The following MVP variants were observed in gnomAD, a reference collection of about 807,000 sequenced individuals.
MVP encodes the protein lung resistance-related protein.
In MVP, 62 loss-of-function variants were observed where a neutral mutation model predicts 83.5. The ratio of observed to expected loss-of-function variants is 0.74; its 90% confidence interval spans 0.61 to 0.92. The LOEUF is 0.92. MVP is among the 40% of genes least tolerant of loss of function. The pLI, the probability that MVP is intolerant of heterozygous loss-of-function variation, is 0.00. For missense variants in MVP, 1,000 were observed against 1,203.4 expected, an observed-to-expected ratio of 0.83 and a Z score of 2.50; for synonymous variants, 505 against 504.1, an observed-to-expected ratio of 1.00 and a Z score of -0.02.
chr16:29,844,915 C>A, intron 11 of MVP, 36 bp downstream of exon 11: 2 of 1,566,414 alleles, frequency 1.3e-6, no homozygotes, highest in Non-Finnish European at 1.7e-6. Flanking sequence ...CCTATAATGC[C>A]CATGGCAGGC....
chr16:29,827,092 C>T (rs1023327342), intron 1 of MVP, among the ~76,000 whole-genome samples: 10 of 152,076 alleles, frequency 6.6e-5, no homozygotes, highest in African/African-American at 2.4e-4. Flanking sequence ...ATAAGAGTGG[C>T]GAGAGGAACA....
Position 29,847,223 on chromosome 16 carries a change from G to A in MVP, c.2292G>A (p.Lys764=), listed in dbSNP as rs773823853. 2 of 1,613,614 alleles carry A rather than the reference G, an allele frequency of 1.2e-6. No homozygotes were observed. Among genetic ancestry groups the A allele is most frequent in the Admixed American group, 1.7e-5 (1 of 59,986 alleles). Residue 764 remains lysine, a synonymous_variant, in exon 14 of 15, where the codon AAG becomes AAA. Transcript: ENST00000357402. ...ETEAELQRVQ[K]VRELELVYAR... is the part of the protein sequence containing the mutation. ...AGGCTGAGCTCCAGAGGGTCCAGAA[G>A]GTCCGAGAGCTGGAACTGGTCTATG...
At chr16:29,836,699 A>C in intron 6 of MVP, 23 bp from the exon 7 acceptor site, 4 of 1,527,152 alleles carry the variant, frequency 2.6e-6, no homozygotes, top group Non-Finnish European at 3.5e-6. Flanking sequence ...GGTCACTCAA[A>C]TACCCAACAT....
At position 29,846,174 on chromosome 16, in the gene MVP, A is replaced by G. The variant is rs767861824; in HGVS notation, c.2155A>G (p.Thr719Ala). 2.5e-6 allele frequency: 4 copies of G among 1,611,106 alleles called. No homozygotes were observed. Among genetic ancestry groups the G allele is most frequent in the Non-Finnish European group, 3.4e-6 (4 of 1,178,800 alleles). ...TCTCCCCAGCATGGCCGTGGAGAGC[A>G]CCGGGACTGCCAAGGCGGAGGCCGA... ...LEALSMAVESTGTAKAEAESR... is the reference protein window; with the variant it reads ...LEALSMAVESAGTAKAEAESR... Residue 719 changes from threonine (T) to alanine (A), a missense_variant, in exon 13 of 15, where the codon ACC becomes GCC. Coordinates refer to ENST00000357402, the MANE Select transcript of MVP (RefSeq NM_005115.5).
intron 5 of MVP, 186 bp from the exon 6 acceptor site, chr16:29,835,518 A>G: frequency 2.5e-6 from 1 of 405,618 alleles, no homozygotes; most frequent in East Asian, 3.8e-5. Flanking sequence ...TTTAAAATTC[A>G]ACTGGGGTGG....
At position 29,847,863 on chromosome 16, in the gene MVP, G is replaced by C. The variant is rs1293920272; in HGVS notation, c.2556G>C (p.Gly852=). 3.1e-6 allele frequency: 5 copies of C among 1,614,186 alleles called. No individual in the cohort carries two copies. The highest frequency in any genetic ancestry group is 4.2e-6 in the Non-Finnish European group (5 of 1,180,012). ...CAGCCTTTGGGCTGCTGGGGATGGGGCCCGAGGGTCAGCCCCTGGGCAGAA... is the reference window on the plus strand; with the variant it reads ...CAGCCTTTGGGCTGCTGGGGATGGGCCCCGAGGGTCAGCCCCTGGGCAGAA... ...FNTAFGLLGM[G]PEGQPLGRRV... is the part of the protein sequence containing the mutation. The change falls in exon 15 of 15, where the codon GGG becomes GGC. Residue 852 remains glycine, a synonymous_variant. Coordinates refer to ENST00000357402, the MANE Select transcript of MVP (RefSeq NM_005115.5).
intron 2 of MVP, 100 bp from the exon 3 acceptor site, chr16:29,830,778 C>A: frequency 6.4e-7 from 1 of 1,571,294 alleles, no homozygotes; most frequent in Non-Finnish European, 8.6e-7. Context: ...CAGGAGTGGC[C>A]CTCGCTTGGG....
At position 29,840,294 on chromosome 16, in the gene MVP, G is replaced by T; in HGVS notation, c.1026G>T (p.Glu342Asp). ...TGAGGGCCCTGCAGCCCCTGGAGGA[G>T]GGGGAGGATGAGGAGAAGGTCTCAC... ...LLLRALQPLE[E>D]GEDEEKVSHQ... Residue 342 changes from glutamate (E) to aspartate (D), a missense_variant, in exon 8 of 15, where the codon GAG becomes GAT. By Grantham distance (45) the Glu-to-Asp change is conservative. Transcript: ENST00000357402. 2 of 1,613,582 alleles carry T rather than the reference G, an allele frequency of 1.2e-6. No homozygotes were observed. Among genetic ancestry groups the T allele is most frequent in the Non-Finnish European group, 1.7e-6 (2 of 1,179,822 alleles).
chr16:29,828,022 G>A (rs997552540), intron 1 of MVP, among the ~76,000 whole-genome samples: 53 of 151,986 alleles, frequency 3.5e-4, no homozygotes, highest in Middle Eastern at 3.4e-3. Context: ...GTGCAATGGC[G>A]AGATCTTGGC....
chr16:29,824,910 T>G (rs1395666381), intron 1 of MVP, among the ~76,000 whole-genome samples: 1 of 151,992 alleles, frequency 6.6e-6, no homozygotes, highest in African/African-American at 2.4e-5. Context: ...CTTTTTTTTT[T>G]TTTTCTTTCT....
chr16:29,833,330 T>G (rs1328568272), intron 3 of MVP: 4 of 183,646 alleles, frequency 2.2e-5, no homozygotes, highest in Admixed American at 1.7e-4. Context: ...AGGGTCTTGC[T>G]CTGCTGCCCA....
At chr16:29,843,968 C>T (rs755511161) in intron 10 of MVP, among the ~76,000 whole-genome samples, 16 of 151,994 alleles carry the variant, frequency 1.1e-4, no homozygotes, top group Non-Finnish European at 1.6e-4. Flanking sequence ...GCCCTGATGG[C>T]GGCAGACAGC....
chr16:29,825,205 A>C (rs2067396473), intron 1 of MVP, among the ~76,000 whole-genome samples: 1 of 152,124 alleles, frequency 6.6e-6, no homozygotes, highest in African/African-American at 2.4e-5. Flanking sequence ...GGGAGGTGTG[A>C]TCAGGCAAGA....
intron 3 of MVP, chr16:29,831,729 A>G (rs1305865550): frequency 2.2e-6 from 1 of 455,896 alleles, no homozygotes; most frequent in Non-Finnish European, 4.4e-6. Context: ...CCGGTGCCAG[A>G]CACTGGTGGG....
intron 14 of MVP, 92 bp downstream of exon 14, chr16:29,847,477 G>T (rs2067595291): frequency 7.5e-6 from 10 of 1,329,322 alleles, no homozygotes; most frequent in Non-Finnish European, 1.0e-5. Flanking sequence ...TGGAAAGATT[G>T]TGGGGAAGGG....
At chr16:29,821,872 A>G (rs551429703) in intron 1 of MVP, among the ~76,000 whole-genome samples, 4 of 152,326 alleles carry the variant, frequency 2.6e-5, no homozygotes, top group African/African-American at 9.6e-5. Context: ...CTCTCCCGGA[A>G]ACTTAGACCC....
chr16:29,830,717 G>A, intron 2 of MVP, 43 bp downstream of exon 2: 3 of 1,607,906 alleles, frequency 1.9e-6, no homozygotes, highest in East Asian at 2.2e-5. Context: ...TGGGGATGTG[G>A]GGGCCTGTTT....
chr16:29,832,592 T>C (rs1296228390), intron 3 of MVP, among the ~76,000 whole-genome samples: 1 of 130,676 alleles, frequency 7.7e-6, no homozygotes, highest in African/African-American at 2.8e-5. Flanking sequence ...CCACCGCGCC[T>C]GGCCTTTTTT....
intron 1 of MVP, among the ~76,000 whole-genome samples, chr16:29,827,515 C>G (rs911258941): frequency 1.3e-5 from 2 of 152,192 alleles, no homozygotes; most frequent in Admixed American, 1.3e-4. Context: ...CCAACAGCAC[C>G]ACTAACTTGC....
Sources: gnomAD v4.1 joint callset for allele counts (sites outside exome capture counted in the v4.1 genomes callset) on GRCh38, gnomAD v4.1.1 for gene constraint, MANE v1.5 for transcripts, NCBI Gene and HGNC (gene_info 2026-07-23, HGNC 2026-07-21) for gene names.